SPTBN1: variants seen among roughly 807,000 people sequenced by gnomAD.
SPTBN1 encodes spectrin beta chain, non-erythrocytic 1.
SPTBN1 carries 32 observed loss-of-function variants against 266.4 expected under a neutral mutation model. The ratio of observed to expected loss-of-function variants is 0.12; its 90% CI spans 0.09 to 0.16. The LOEUF is 0.16. SPTBN1 is among the 10% of genes least tolerant of loss of function. The pLI, the probability that SPTBN1 is intolerant of heterozygous loss-of-function variation, is 1.00. For synonymous variants in SPTBN1, 1,336 were observed against 1,162.2 expected, an observed-to-expected ratio of 1.15 and a Z score of -3.04; for missense variants, 2,296 against 3,067.1, an observed-to-expected ratio of 0.75 and a Z score of 5.94.
At chr2:54,636,056 G>A (rs1679103928) in intron 17 of SPTBN1, among the ~76,000 whole-genome samples, 2 of 152,008 alleles carry the variant, frequency 1.3e-5, no homozygotes, top group African/African-American at 4.8e-5. Context: ...ATTTTCAAGG[G>A]GAAAACTACT....
intron 2 of SPTBN1, chr2:54,529,231 C>T (rs1187690813): frequency 2.7e-6 from 1 of 367,120 alleles, no homozygotes; most frequent in African/African-American, 2.1e-5. Context: ...CATCCAGTCC[C>T]CTTCCTTCGG....
intron 32 of SPTBN1, chr2:54,660,811 C>T (rs1167271172): frequency 3.0e-6 from 3 of 985,308 alleles, no homozygotes; most frequent in Non-Finnish European, 3.6e-6. Flanking sequence ...ACTGCTGCCG[C>T]CACCTCTGTC....
At chr2:54,516,555 A>C (rs1670119086) in intron 1 of SPTBN1, among the ~76,000 whole-genome samples, 1 of 152,224 alleles carries the variant, frequency 6.6e-6, no homozygotes, top group Admixed American at 6.5e-5. Context: ...TGAAAATACA[A>C]AATAAATTGA....
At chr2:54,462,805 G>A (rs1012778846) in intron 1 of SPTBN1, among the ~76,000 whole-genome samples, 36 of 152,208 alleles carry the variant, frequency 2.4e-4, no homozygotes, top group African/African-American at 7.7e-4. Flanking sequence ...CATAGTGGGG[G>A]TTAAAACATG....
chr2:54,520,057 C>T (rs1182646450), intron 1 of SPTBN1, among the ~76,000 whole-genome samples: 2 of 152,142 alleles, frequency 1.3e-5, no homozygotes, highest in East Asian at 3.9e-4. Context: ...CAGCTGTCAG[C>T]ACCGGGTAAC....
intron 2 of SPTBN1, among the ~76,000 whole-genome samples, chr2:54,579,580 T>C (rs891974258): frequency 2.6e-5 from 4 of 152,224 alleles, no homozygotes; most frequent in African/African-American, 9.6e-5. Context: ...CTGAAGCACA[T>C]TGGCATATTA....
Position 54,622,486 on chromosome 2 carries a change from A to G in SPTBN1, c.1063A>G (p.Lys355Glu). 1.9e-6 allele frequency: 3 copies of G among 1,613,942 alleles called. No individual in the cohort carries two copies. The highest frequency in any genetic ancestry group is 1.3e-5 in the African/African-American group (1 of 75,054). The change falls in exon 9 of 36, where the codon AAA (lysine) becomes GAA (glutamate). Residue 355 changes from lysine (K) to glutamate (E), a missense_variant and splice_region_variant. Physicochemically the swap from Lys to Glu is moderately conservative, Grantham distance 56. Coordinates refer to ENST00000356805, the MANE Select transcript of SPTBN1 (RefSeq NM_003128.3). The part of the protein sequence containing the change: ...NTYRTVEKPP[K>E]FTEKGNLEVL... Reference sequence around the variant, plus strand: ...TTACCGCACTGTGGAGAAACCACCCAAGTAAGATGCATATTGTAGTGTGAT... The same window carrying G: ...TTACCGCACTGTGGAGAAACCACCCGAGTAAGATGCATATTGTAGTGTGAT...
intron 3 of SPTBN1, 90 bp downstream of exon 3, chr2:54,599,333 A>G: frequency 2.7e-6 from 4 of 1,466,814 alleles, no homozygotes; most frequent in Non-Finnish European, 3.8e-6. Context: ...TGAATTCTGC[A>G]CTTAATGGTT....
At chr2:54,481,440 G>GTGTT (rs1386980434) in intron 1 of SPTBN1, among the ~76,000 whole-genome samples, 44 of 73,884 alleles carry the variant, frequency 6.0e-4, no homozygotes, top group African/African-American at 3.3e-3. Flanking sequence ...GTGTGTGTGT[G>GTGTT]TTTTGTTTTG....
intron 1 of SPTBN1, among the ~76,000 whole-genome samples, chr2:54,457,977 T>C (rs7421480): frequency 4.6e-5 from 7 of 152,240 alleles, no homozygotes; most frequent in African/African-American, 1.7e-4. Context: ...AGGGAGGGGC[T>C]GCAGGAAGGA....
At chr2:54,592,491 TCTC>T (rs1675746750) in intron 2 of SPTBN1, among the ~76,000 whole-genome samples, 1 of 152,032 alleles carries the variant, frequency 6.6e-6, no homozygotes, top group African/African-American at 2.4e-5. Flanking sequence ...TTCAAACGAT[TCTC>T]CTGCCTCAGC....
chr2:54,533,783 C>T lies in SPTBN1; in HGVS notation c.148+7217C>T, dbSNP rs1308433823. On this transcript the variant is annotated intron_variant, in intron 2 of 35. Transcript: ENST00000356805. The surrounding 1 kb of genome is among the most constrained non-coding windows in gnomAD (Gnocchi z 4.2). ...CCAGGCTGGTCTCGAACTCCTGACC[C>T]CAGGTGATCCGCCCGCCTTGGCCTC... 6.6e-6 allele frequency among the ~76,000 whole-genome samples: 1 copy of T among 152,046 alleles called. No homozygotes were observed. Among genetic ancestry groups the T allele is most frequent in the African/African-American group, 2.4e-5 (1 of 41,402 alleles).
At chr2:54,514,111 T>G (rs1330561557) in intron 1 of SPTBN1, among the ~76,000 whole-genome samples, 2 of 152,204 alleles carry the variant, frequency 1.3e-5, no homozygotes, top group Non-Finnish European at 2.9e-5. Context: ...ATAAATCCAT[T>G]TGTAATATCA....
intron 32 of SPTBN1, chr2:54,660,479 C>T (rs1472173631): frequency 9.1e-6 from 9 of 989,988 alleles, no homozygotes; most frequent in African/African-American, 1.7e-5. Flanking sequence ...ATGTTATTAA[C>T]CTATAGTAGT....
intron 1 of SPTBN1, among the ~76,000 whole-genome samples, chr2:54,474,720 A>G (rs1389017747): frequency 6.6e-6 from 1 of 152,226 alleles, no homozygotes; most frequent in Non-Finnish European, 1.5e-5. Context: ...TACAAAAGGG[A>G]TAAGGAAATA....
intron 1 of SPTBN1, among the ~76,000 whole-genome samples, chr2:54,465,639 C>CGTATATATATAT (rs1693592338): frequency 8.6e-6 from 1 of 116,360 alleles, no homozygotes; most frequent in Non-Finnish European, 1.8e-5. Flanking sequence ...ATGTTTATCT[C>CGTATATATATAT]ATATATATAT....
chr2:54,638,794 G>A (rs1340733504), intron 18 of SPTBN1, among the ~76,000 whole-genome samples: 1 of 152,094 alleles, frequency 6.6e-6, no homozygotes, highest in Non-Finnish European at 1.5e-5. Flanking sequence ...GAGTATGGGG[G>A]TAGAATCAGG....
In SPTBN1 at chr2:54,631,207, C is replaced by A; in HGVS notation, c.3160C>A (p.Arg1054=). 1 of 1,614,178 alleles carries A rather than the reference C, an allele frequency of 6.2e-7. No individual in the cohort carries two copies. Among genetic ancestry groups the A allele is most frequent in the Non-Finnish European group, 8.5e-7 (1 of 1,180,020 alleles). ...WEEMKTTLKN[R]EASLGEASKL... Reference sequence around the variant, plus strand: ...GGAGATGAAGACCACCCTGAAAAACCGAGAGGCCTCCCTGGGAGAGGCCAG... The same window carrying A: ...GGAGATGAAGACCACCCTGAAAAACAGAGAGGCCTCCCTGGGAGAGGCCAG... The change falls in exon 16 of 36, where the codon CGA becomes AGA. Residue 1054 remains arginine (R), a synonymous_variant. Coordinates refer to ENST00000356805, the MANE Select transcript of SPTBN1 (RefSeq NM_003128.3).
At chr2:54,603,327 G>A (rs1189139705) in intron 3 of SPTBN1, among the ~76,000 whole-genome samples, 2 of 152,096 alleles carry the variant, frequency 1.3e-5, no homozygotes, top group Non-Finnish European at 2.9e-5. Flanking sequence ...AAACTGGAGG[G>A]GTTTTTTTTG....
Sources: allele counts gnomAD v4.1 joint callset (sites outside exome capture counted in the v4.1 genomes callset), GRCh38; gene constraint gnomAD v4.1.1; non-coding constraint Gnocchi (gnomAD v3.1); transcripts MANE v1.5; gene names NCBI Gene and HGNC (gene_info 2026-07-23, HGNC 2026-07-21).